KCNH8: variants seen among roughly 807,000 people sequenced by gnomAD.
The protein encoded by KCNH8 is voltage-gated delayed rectifier potassium channel KCNH8.
Under a neutral mutation model 103.6 loss-of-function variants are expected in KCNH8, and 70 were observed. That is an observed-to-expected ratio of 0.68 (90% CI 0.56 to 0.82). KCNH8 has a LOEUF of 0.82. Among genes scored for constraint, KCNH8 ranks in the 40% least tolerant of loss-of-function variants. KCNH8 has a pLI of 0.00. For missense variants in KCNH8, 1,217 were observed against 1,329.9 expected, an observed-to-expected ratio of 0.92 and a Z score of 1.32; for synonymous variants, 498 against 489.4, an observed-to-expected ratio of 1.02 and a Z score of -0.23.
At chr3:19,359,980 C>T (rs17005867) in intron 5 of KCNH8, among the ~76,000 whole-genome samples, 14,660 of 151,596 alleles carry the variant, frequency 0.097, 850 homozygotes, top group East Asian at 0.18. Flanking sequence ...ACTGTAATGC[C>T]AAATAGAGAA....
Position 19,489,236 on chromosome 3 carries a change from GAGGGGGTATT to G in KCNH8, c.2041-21126_2041-21117del, listed in dbSNP as rs1157514711. Among the ~76,000 whole-genome samples, 7 of 152,174 alleles carry G rather than the reference GAGGGGGTATT, an allele frequency of 4.6e-5. No homozygotes were observed. In the East Asian group the frequency reaches 1.4e-3, roughly 29 times the overall value. On this transcript the variant is annotated intron_variant, in intron 11 of 15. Transcript: ENST00000328405. ...GTGGGGAGCCCTTCCTCTCAATAAG[GAGGGGGTATT>G]CCTGGTACCAATTCCTGCCATGATT...
intron 11 of KCNH8, among the ~76,000 whole-genome samples, chr3:19,491,987 G>GA (rs1347465103): frequency 6.6e-6 from 1 of 152,034 alleles, no homozygotes; most frequent in Non-Finnish European, 1.5e-5. Context: ...AGAGGAATCT[G>GA]TTCATGTCTT....
At chr3:19,420,731 A>G (rs2066938255) in intron 7 of KCNH8, among the ~76,000 whole-genome samples, 1 of 152,226 alleles carries the variant, frequency 6.6e-6, no homozygotes, top group African/African-American at 2.4e-5. Flanking sequence ...TATGTTTCAT[A>G]CAAAAATGGG....
chr3:19,398,999 AG>A (rs1461040044), intron 7 of KCNH8, among the ~76,000 whole-genome samples: 1 of 152,038 alleles, frequency 6.6e-6, no homozygotes, highest in Non-Finnish European at 1.5e-5. Flanking sequence ...TCAATTGGAA[AG>A]TCAGCCTCTG....
At chr3:19,328,986 A>T (rs1476190514) in intron 3 of KCNH8, among the ~76,000 whole-genome samples, 2 of 152,184 alleles carry the variant, frequency 1.3e-5, no homozygotes, top group African/African-American at 2.4e-5. Flanking sequence ...AATCCATTAG[A>T]GATTTTATAG....
intron 3 of KCNH8, among the ~76,000 whole-genome samples, chr3:19,308,655 TCTCTCTCTCTCTCTCTCTCTCTC>T (rs2065162107): frequency 3.1e-4 from 1 of 3,192 alleles, no homozygotes. Context: ...TTGGGGTCTC[TCTCTCTCTCTCTCTCTCTCTCTC>T]TCTCTCTCTC....
chr3:19,381,739 A>T (rs1249867386), intron 5 of KCNH8, among the ~76,000 whole-genome samples: 2 of 152,320 alleles, frequency 1.3e-5, no homozygotes, highest in East Asian at 3.9e-4. Context: ...GGATTGGAGG[A>T]ATATACAGAG....
intron 7 of KCNH8, among the ~76,000 whole-genome samples, chr3:19,421,071 C>T (rs906211540): frequency 1.3e-5 from 2 of 152,096 alleles, no homozygotes; most frequent in Admixed American, 6.5e-5. Context: ...TAGAATTTGA[C>T]ACTTTTTAAA....
intron 7 of KCNH8, among the ~76,000 whole-genome samples, chr3:19,406,672 T>C (rs1033348363): frequency 6.6e-6 from 1 of 152,146 alleles, no homozygotes; most frequent in Non-Finnish European, 1.5e-5. Context: ...CCAGGTGAGT[T>C]ACTCTTTTAT....
intron 15 of KCNH8, among the ~76,000 whole-genome samples, chr3:19,524,360 G>A (rs930006589): frequency 6.6e-6 from 1 of 151,780 alleles, no homozygotes; most frequent in Admixed American, 6.6e-5. Flanking sequence ...ATTAACTGCT[G>A]GCAAAACCAA....
chr3:19,448,954 C>T, intron 8 of KCNH8: 1 of 1,284,420 alleles, frequency 7.8e-7, no homozygotes, highest in South Asian at 1.2e-5. Flanking sequence ...GTGTCCAAGG[C>T]CTTCTTGGAT....
Position 19,170,685 on chromosome 3 carries a change from TATATACACAC to T in KCNH8, c.76+21896_76+21905del, listed in dbSNP as rs1235735275. On this transcript the variant is annotated intron_variant, in intron 1 of 15. Transcript: ENST00000328405. ...ACACACATATATATACACACACACATATATACACACATATATATACACATATATACACACA... is the reference window on the plus strand; with the variant it reads ...ACACACATATATATACACACACACATATATATATACACATATATACACACA... Among the ~76,000 whole-genome samples, 889 of 144,998 alleles carry T rather than the reference TATATACACAC, an allele frequency of 6.1e-3. 6 individuals are homozygous for T. Among genetic ancestry groups the T allele is most frequent in the African/African-American group, 0.02 (800 of 39,288 alleles).
At chr3:19,216,575 G>A (rs1331992081) in intron 1 of KCNH8, among the ~76,000 whole-genome samples, 1 of 152,152 alleles carries the variant, frequency 6.6e-6, no homozygotes, top group Non-Finnish European at 1.5e-5. Context: ...GCTTCAAAAT[G>A]TTTATAATCA....
At chr3:19,292,099 T>G (rs559906562) in intron 3 of KCNH8, among the ~76,000 whole-genome samples, 184 of 152,294 alleles carry the variant, frequency 1.2e-3, no homozygotes, top group Non-Finnish European at 2.3e-3. Flanking sequence ...ACCAGTTGAG[T>G]ATAATAATAC....
In KCNH8 at chr3:19,486,495, G is replaced by A. The variant is rs537054960; in HGVS notation, c.2041-23868G>A. ...GCCAGGGCCCTTAGACATGGTGGCC[G>A]GCCTTTGGAAACCCCATCTAGTTGT... On this transcript the variant is annotated intron_variant, in intron 11 of 15. Transcript: ENST00000328405. Among the ~76,000 whole-genome samples, 55 of 152,278 alleles carry A rather than the reference G, an allele frequency of 3.6e-4. 1 individual carries two copies. In the South Asian group the frequency reaches 0.011, roughly 29 times the overall value.
chr3:19,260,165 A>G (rs1226939783), intron 2 of KCNH8, among the ~76,000 whole-genome samples: 1 of 151,670 alleles, frequency 6.6e-6, no homozygotes, highest in Non-Finnish European at 1.5e-5. Context: ...TTAGCTTCAA[A>G]TACACATTTT....
chr3:19,289,442 A>G (rs2064885443), intron 3 of KCNH8, among the ~76,000 whole-genome samples: 1 of 152,120 alleles, frequency 6.6e-6, no homozygotes, highest in Non-Finnish European at 1.5e-5. Flanking sequence ...CTTTCTCCAT[A>G]TGGCTAGCCA....
At chr3:19,325,983 A>G (rs1042651940) in intron 3 of KCNH8, among the ~76,000 whole-genome samples, 1 of 152,186 alleles carries the variant, frequency 6.6e-6, no homozygotes, top group East Asian at 1.9e-4. Flanking sequence ...GTACATATAC[A>G]TCACAAAATA....
At chr3:19,333,710 T>G (rs185323934) in intron 3 of KCNH8, among the ~76,000 whole-genome samples, 7 of 152,268 alleles carry the variant, frequency 4.6e-5, no homozygotes, top group African/African-American at 1.7e-4. Flanking sequence ...CAGAAACAAT[T>G]CAAAATTGTA....
Sources: allele counts gnomAD v4.1 joint callset (sites outside exome capture counted in the v4.1 genomes callset), GRCh38; gene constraint gnomAD v4.1.1; transcripts MANE v1.5; gene names NCBI Gene and HGNC (gene_info 2026-07-23, HGNC 2026-07-21).